The following NKAIN2 variants were observed in gnomAD, a reference collection of about 807,000 sequenced individuals.
NKAIN2 encodes sodium/potassium-transporting ATPase subunit beta-1-interacting protein 2.
A neutral mutation model predicts 32.6 loss-of-function variants in NKAIN2; 14 were observed. That is an observed-to-expected ratio of 0.43 (90% CI 0.28 to 0.67). NKAIN2 has a LOEUF of 0.67. NKAIN2 is among the 30% of genes least tolerant of loss of function. NKAIN2 has a pLI of 0.17. For synonymous variants in NKAIN2, 80 were observed against 87.2 expected, an observed-to-expected ratio of 0.92 and a Z score of 0.46; for missense variants, 198 against 258.3, an observed-to-expected ratio of 0.77 and a Z score of 1.60.
At chr6:124,727,318 T>G (rs1583737950) in intron 4 of NKAIN2, among the ~76,000 whole-genome samples, 1 of 152,004 alleles carries the variant, frequency 6.6e-6, no homozygotes, top group South Asian at 2.1e-4. Flanking sequence ...AAAGGTCGGG[T>G]TACCCTCAAA....
intron 4 of NKAIN2, among the ~76,000 whole-genome samples, chr6:124,730,744 A>C (rs1199160308): frequency 1.3e-5 from 2 of 151,926 alleles, no homozygotes; most frequent in Non-Finnish European, 2.9e-5. Flanking sequence ...TCTGCACAGC[A>C]AAAGAAACTA....
At chr6:124,498,243 G>A (rs557645373) in intron 3 of NKAIN2, among the ~76,000 whole-genome samples, 5 of 152,122 alleles carry the variant, frequency 3.3e-5, no homozygotes, top group African/African-American at 4.8e-5. Context: ...GATTGGCAGG[G>A]GGCACTCATG....
intron 1 of NKAIN2, among the ~76,000 whole-genome samples, chr6:124,210,087 A>G (rs1791093521): frequency 6.6e-6 from 1 of 151,636 alleles, no homozygotes; most frequent in Admixed American, 6.6e-5. Flanking sequence ...TTGAGTTCTT[A>G]CATTTAAGTC....
chr6:123,949,655 C>A (rs1044207500), intron 1 of NKAIN2, among the ~76,000 whole-genome samples: 5 of 151,880 alleles, frequency 3.3e-5, no homozygotes, highest in African/African-American at 1.2e-4. Context: ...TATTTTGTAT[C>A]CTGCAACTTT....
At chr6:124,433,229 G>A (rs1171216121) in intron 3 of NKAIN2, among the ~76,000 whole-genome samples, 2 of 152,124 alleles carry the variant, frequency 1.3e-5, no homozygotes, top group Non-Finnish European at 2.9e-5. Flanking sequence ...TTGCTTGTTA[G>A]AAAAAGGGCA....
intron 1 of NKAIN2, among the ~76,000 whole-genome samples, chr6:124,090,529 A>T (rs540825277): frequency 2.0e-5 from 3 of 152,152 alleles, no homozygotes; most frequent in Admixed American, 2.0e-4. Flanking sequence ...CATAAGTCAG[A>T]TGAGATGATA....
intron 1 of NKAIN2, among the ~76,000 whole-genome samples, chr6:124,280,355 C>G (rs765801769): frequency 1.2e-4 from 18 of 152,132 alleles, no homozygotes; most frequent in Non-Finnish European, 2.4e-4. Context: ...TCAGCATGGT[C>G]TCTACTATAT....
At chr6:124,623,308 GA>G (rs1242915465) in intron 3 of NKAIN2, among the ~76,000 whole-genome samples, 3 of 152,074 alleles carry the variant, frequency 2.0e-5, no homozygotes, top group Non-Finnish European at 4.4e-5. Flanking sequence ...GGCTGCAAAG[GA>G]AAGACCACAG....
intron 3 of NKAIN2, among the ~76,000 whole-genome samples, chr6:124,367,955 T>G (rs1324379658): frequency 2.0e-5 from 3 of 152,108 alleles, no homozygotes; most frequent in Non-Finnish European, 4.4e-5. Context: ...ATTTTTAAAT[T>G]TAAAGCCATG....
intron 3 of NKAIN2, among the ~76,000 whole-genome samples, chr6:124,516,865 C>T (rs879266306): frequency 1.4e-4 from 21 of 152,134 alleles, no homozygotes; most frequent in Admixed American, 1.4e-3. Flanking sequence ...GGGCTTTACT[C>T]CTTTGCTCAA....
chr6:124,482,141 G>A (rs895224609), intron 3 of NKAIN2, among the ~76,000 whole-genome samples: 6 of 152,260 alleles, frequency 3.9e-5, no homozygotes, highest in African/African-American at 1.4e-4. Flanking sequence ...AACTGGCTGA[G>A]TTACAAACCT....
At chr6:123,847,049 C>T (rs1775124215) in intron 1 of NKAIN2, among the ~76,000 whole-genome samples, 1 of 152,148 alleles carries the variant, frequency 6.6e-6, no homozygotes, top group African/African-American at 2.4e-5. Flanking sequence ...AATTTTATGT[C>T]TTGGTTGAAA....
chr6:124,646,045 C>A (rs996195028), intron 3 of NKAIN2, among the ~76,000 whole-genome samples: 15 of 152,142 alleles, frequency 9.9e-5, no homozygotes, highest in African/African-American at 3.6e-4. Flanking sequence ...TGTTGTCCAT[C>A]TCCTCCATTA....
chr6:124,708,754 T>G (rs1432173782), intron 4 of NKAIN2, among the ~76,000 whole-genome samples: 1 of 151,886 alleles, frequency 6.6e-6, no homozygotes, highest in Non-Finnish European at 1.5e-5. Flanking sequence ...ACAATGGGGT[T>G]TTCTAGATAT....
rs376441913 is a variant in NKAIN2 at position 124,778,611 on chromosome 6, GA to G, written c.475-12725del. On this transcript the variant is annotated intron_variant, in intron 4 of 6. Coordinates refer to ENST00000368417, the MANE Select transcript of NKAIN2 (RefSeq NM_001040214.3). ...TAAATATAGAGAAAATTCGAGCTCA[GA>G]AATATGAGTGATATTTACTAATAAA... is the stretch of plus-strand genomic sequence containing the variant. Among the ~76,000 whole-genome samples the G allele has an allele frequency of 3.8e-3, 584 of 152,064 alleles. 3 individuals are homozygous for G. The highest frequency in any genetic ancestry group is 0.013 in the African/African-American group (558 of 41,532).
chr6:124,787,688 T>C (rs1246193830), intron 4 of NKAIN2, among the ~76,000 whole-genome samples: 2 of 152,098 alleles, frequency 1.3e-5, no homozygotes, highest in Non-Finnish European at 2.9e-5. Context: ...TTTGGACCCA[T>C]GAAAAATGTT....
At chr6:124,245,239 T>C (rs907365951) in intron 1 of NKAIN2, among the ~76,000 whole-genome samples, 1 of 152,140 alleles carries the variant, frequency 6.6e-6, no homozygotes, top group Non-Finnish European at 1.5e-5. Flanking sequence ...TTTATTACTT[T>C]AGCTCATACA....
intron 1 of NKAIN2, among the ~76,000 whole-genome samples, chr6:124,200,046 G>A (rs751012515): frequency 7.9e-5 from 12 of 152,112 alleles, no homozygotes; most frequent in South Asian, 6.2e-4. Flanking sequence ...AAAATAATCA[G>A]TGAAGAAGAT....
At chr6:124,626,324 G>A (rs1783341613) in intron 3 of NKAIN2, among the ~76,000 whole-genome samples, 1 of 151,684 alleles carries the variant, frequency 6.6e-6, no homozygotes, top group Non-Finnish European at 1.5e-5. Context: ...TGGAGTGTTG[G>A]GATCAGCTTT....
Sources: gnomAD v4.1 joint callset for allele counts (sites outside exome capture counted in the v4.1 genomes callset) on GRCh38, gnomAD v4.1.1 for gene constraint, MANE v1.5 for transcripts, NCBI Gene and HGNC (gene_info 2026-07-23, HGNC 2026-07-21) for gene names.